Variants in AGBL1 observed in about 807,000 individuals in gnomAD.
AGBL1 encodes AGBL carboxypeptidase 1.
In AGBL1, 130 loss-of-function variants were observed where a neutral mutation model predicts 118.9. The observed-to-expected ratio is 1.09, with a 90% confidence interval of 0.95 to 1.26. The LOEUF (loss-of-function observed/expected upper bound fraction) is 1.26, where lower values mean the gene tolerates loss of function less well. Ranked by LOEUF, AGBL1 falls within the 50% of genes most tolerant of loss-of-function variation. The pLI is 0.00. For missense variants in AGBL1, 1,584 were observed against 1,298.1 expected, an observed-to-expected ratio of 1.22 and a Z score of -3.38; for synonymous variants, 555 against 478.9, an observed-to-expected ratio of 1.16 and a Z score of -2.08.
At chr15:86,624,758 C>T (rs2142419042) in intron 21 of AGBL1, among the ~76,000 whole-genome samples, 1 of 152,280 alleles carries the variant, frequency 6.6e-6, no homozygotes, top group South Asian at 2.1e-4. Context: ...CACAGGGTGT[C>T]ACAACTGCCC....
chr15:86,236,183 G>A (rs891831875), intron 6 of AGBL1, among the ~76,000 whole-genome samples: 1 of 152,124 alleles, frequency 6.6e-6, no homozygotes, highest in Non-Finnish European at 1.5e-5. Flanking sequence ...CTGCTCTGGG[G>A]ACAATGGAAG....
At chr15:86,278,435 G>A (rs746329456) in intron 15 of AGBL1, among the ~76,000 whole-genome samples, 15 of 151,568 alleles carry the variant, frequency 9.9e-5, no homozygotes, top group South Asian at 2.1e-4. Flanking sequence ...GTCCCATTCC[G>A]AGGTGTATAA....
chr15:86,562,056 T>C (rs775470748), intron 21 of AGBL1, among the ~76,000 whole-genome samples: 1 of 152,244 alleles, frequency 6.6e-6, no homozygotes, highest in Non-Finnish European at 1.5e-5. Flanking sequence ...GATTTTGGGC[T>C]GAAACGATGG....
intron 2 of AGBL1, among the ~76,000 whole-genome samples, chr15:86,142,443 T>C (rs1325501094): frequency 1.3e-5 from 2 of 152,198 alleles, no homozygotes; most frequent in Non-Finnish European, 2.9e-5. Flanking sequence ...CTTGAAAGCA[T>C]GTAAGCATCA....
At chr15:86,858,463 G>GGTATGT (rs1555457466) in intron 22 of AGBL1, among the ~76,000 whole-genome samples, 3 of 147,090 alleles carry the variant, frequency 2.0e-5, no homozygotes, top group Non-Finnish European at 4.5e-5. Context: ...CCTTTCAGGT[G>GGTATGT]GTGTGTGTGT....
At position 86,339,140 on chromosome 15, in the gene AGBL1, A is replaced by G. The variant is rs559244726; in HGVS notation, c.2374+43732A>G. On this transcript the variant is annotated intron_variant, in intron 17 of 22. Transcript: ENST00000614907. Reference sequence around the variant, plus strand: ...TCACTAGATACGGAATTCTGGGATGAAAGTCCTTTTCTTTCAGCACTTGAA... The same window carrying G: ...TCACTAGATACGGAATTCTGGGATGGAAGTCCTTTTCTTTCAGCACTTGAA... Among the ~76,000 whole-genome samples, 3 of 152,246 alleles carry G rather than the reference A, an allele frequency of 2.0e-5. No individual in the cohort carries two copies. In the South Asian group the frequency reaches 6.2e-4, roughly 32 times the overall value.
chr15:86,271,216 A>G (rs77229288), intron 14 of AGBL1, among the ~76,000 whole-genome samples: 1,772 of 151,830 alleles, frequency 0.012, 37 homozygotes, highest in African/African-American at 0.041. Flanking sequence ...ATGCCCGGCT[A>G]ATTTTTTAGT....
At chr15:86,632,103 AT>A (rs141249708) in intron 21 of AGBL1, among the ~76,000 whole-genome samples, 45 of 146,800 alleles carry the variant, frequency 3.1e-4, no homozygotes, top group Middle Eastern at 3.5e-3. Context: ...TGTCTCCACA[AT>A]TTTTTTTTTT....
chr15:87,005,541 C>T (rs545047862), intron 24 of AGBL1, among the ~76,000 whole-genome samples: 2 of 152,340 alleles, frequency 1.3e-5, no homozygotes, highest in East Asian at 3.9e-4. Context: ...TCAGCTCCAT[C>T]AGGTCCTTTA....
chr15:86,220,043 C>T (rs2078256712), intron 5 of AGBL1, among the ~76,000 whole-genome samples: 1 of 147,594 alleles, frequency 6.8e-6, no homozygotes, highest in South Asian at 2.2e-4. Context: ...CCTCTACTGC[C>T]TGGGTTCAAG....
chr15:86,196,102 GTTTTTT>G (rs1414499880), intron 5 of AGBL1, among the ~76,000 whole-genome samples: 1 of 152,014 alleles, frequency 6.6e-6, no homozygotes, highest in East Asian at 1.9e-4. Context: ...TGATTTTTTA[GTTTTTT>G]TCAGAGATCT....
chr15:86,624,249 A>G (rs2084851870), intron 21 of AGBL1, among the ~76,000 whole-genome samples: 2 of 152,244 alleles, frequency 1.3e-5, no homozygotes, highest in Admixed American at 1.3e-4. Context: ...GGGAAGTCAC[A>G]ATCAAGAGCA....
intron 21 of AGBL1, among the ~76,000 whole-genome samples, chr15:86,628,359 G>T (rs1281030144): frequency 6.6e-6 from 1 of 152,056 alleles, no homozygotes; most frequent in African/African-American, 2.4e-5. Context: ...CTCCTTATTG[G>T]CTCTTTGCCT....
Position 87,022,637 on chromosome 15 carries a change from G to A in AGBL1, c.3324-6188G>A, listed in dbSNP as rs141140961. Reference sequence around the variant, plus strand: ...GGAAATTCATCACAAAAAGATCATCGCCTAGGCACATTGTCATCGGGTTAT... The same window carrying A: ...GGAAATTCATCACAAAAAGATCATCACCTAGGCACATTGTCATCGGGTTAT... On this transcript the variant is annotated intron_variant, in intron 24 of 24. Transcript: ENST00000441037. Among the ~76,000 whole-genome samples the A allele has an allele frequency of 7.5e-3, 1,136 of 152,084 alleles. 16 individuals are homozygous for A. Among genetic ancestry groups the A allele is most frequent in the African/African-American group, 0.025 (1,055 of 41,482 alleles).
At position 86,307,270 on chromosome 15, in the gene AGBL1, T is replaced by C. The variant is rs932553172; in HGVS notation, c.2374+11862T>C. On this transcript the variant is annotated intron_variant, in intron 17 of 22. Coordinates refer to ENST00000614907, the MANE Select transcript of AGBL1 (RefSeq NM_001386094.1). ...TGTCTGGTTTGTCTATTATGTTAGA[T>C]GATTTGTTCTATAAATGATTTATGA... Among the ~76,000 whole-genome samples the C allele has an allele frequency of 5.3e-5, 8 of 152,346 alleles. No individual in the cohort carries two copies. In the South Asian group the frequency reaches 1.4e-3, roughly 28 times the overall value.
At chr15:86,905,291 C>T (rs28564528) in intron 22 of AGBL1, among the ~76,000 whole-genome samples, 28,833 of 152,158 alleles carry the variant, frequency 0.19, 3,597 homozygotes, top group African/African-American at 0.36. Flanking sequence ...TTAAGCAAGA[C>T]TGACCTTGTT....
chr15:86,551,856 T>C lies in AGBL1; in HGVS notation c.2818-2505T>C, dbSNP rs191749069. On this transcript the variant is annotated intron_variant, in intron 20 of 22. Coordinates refer to ENST00000614907, the MANE Select transcript of AGBL1 (RefSeq NM_001386094.1). ...TGAAGAGACACGGAAGAACCTTAAA[T>C]GGATATTACTAAGTTAAAGAAAACA... Among the ~76,000 whole-genome samples the C allele has an allele frequency of 1.8e-4, 27 of 152,188 alleles. No individual in the cohort carries two copies. The East Asian group carries it at 1.9e-3, about 11-fold the overall frequency.
chr15:86,209,448 T>A lies in AGBL1; in HGVS notation c.489-15466T>A, dbSNP rs368886884. On this transcript the variant is annotated intron_variant, in intron 5 of 22. Transcript: ENST00000614907. ...GTCTCCCATTATTATTGTGTGGGAG[T>A]CTAAGTCTCTTTGTAGGTCTCTGAG... Among the ~76,000 whole-genome samples, 224 of 152,238 alleles carry A rather than the reference T, an allele frequency of 1.5e-3. 3 individuals are homozygous for A. In the South Asian group the frequency reaches 0.045, roughly 31 times the overall value.
chr15:86,703,903 C>T (rs929195945), intron 22 of AGBL1, among the ~76,000 whole-genome samples: 1 of 152,050 alleles, frequency 6.6e-6, no homozygotes, highest in Non-Finnish European at 1.5e-5. Flanking sequence ...TACAAGGCCA[C>T]AGTAACCAAA....
Sources: allele counts gnomAD v4.1 joint callset (sites outside exome capture counted in the v4.1 genomes callset), GRCh38; gene constraint gnomAD v4.1.1; transcripts MANE v1.5; gene names NCBI Gene and HGNC (gene_info 2026-07-23, HGNC 2026-07-21).